The following PRR36 variants were observed in gnomAD, a reference collection of about 807,000 sequenced individuals.
PRR36 encodes the protein proline-rich protein 36.
PRR36 carries 30 observed loss-of-function variants against 58.6 expected under a neutral mutation model. The observed-to-expected ratio is 0.51, with a 90% CI of 0.38 to 0.69. The LOEUF (loss-of-function observed/expected upper bound fraction) is 0.69, where lower values mean the gene tolerates loss of function less well. PRR36 is among the 30% of genes least tolerant of loss of function. PRR36 has a pLI of 0.00. For synonymous variants in PRR36, 771 were observed against 829.3 expected (o/e 0.93, Z 1.21); for missense variants, 1,692 against 1,805.6 (o/e 0.94, Z 1.14).
chr19:7,869,425 GC>G lies in PRR36; in HGVS notation c.3648del (p.Ser1218ValfsTer44). ...TTCCCACCGCTCGTGCCGGGACTGGGCCCCGGATCCAGTGCGCCAGGGGCGG... is the reference window on the plus strand; with the variant it reads ...TTCCCACCGCTCGTGCCGGGACTGGGCCCGGATCCAGTGCGCCAGGGGCGG... Reference protein sequence around the residue: ...ATPAPGALDPGPSPGTSGGKA... With the variant: ...ATPAPGALDPXPSPGTSGGKA... On this transcript the variant is annotated frameshift_variant, in exon 6 of 6. Transcript: ENST00000618550. LOFTEE classifies it low-confidence loss of function (END_TRUNC). 6.7e-7 allele frequency: 1 copy of G among 1,499,232 alleles called. No individual in the cohort carries two copies. The highest frequency in any genetic ancestry group is 2.1e-5 in the Admixed American group (1 of 47,170). The allele number at this position is 1,499,232 out of a possible 1,614,324, so 92.9% of individuals were successfully genotyped here.
chr19:7,872,808 C>T lies in PRR36; in HGVS notation c.487+41G>A. On this transcript the variant is annotated intron_variant, in intron 4 of 5. Transcript: ENST00000618550. This position sits in a 1 kb window ranked among gnomAD's most constrained non-coding sequence, Gnocchi z 6.1. The stretch of plus-strand genomic sequence containing the variant: ...TCACCGATACCTCTGAGGCGGCTCC[C>T]CTTGCTGCCCAGGAACCCCACTCTT... 1 of 1,530,070 alleles carries T rather than the reference C, an allele frequency of 6.5e-7. No homozygotes were observed. Among genetic ancestry groups the T allele is most frequent in the Non-Finnish European group, 8.7e-7 (1 of 1,143,804 alleles). The allele number at this position is 1,530,070 out of a possible 1,614,324, so 94.8% of individuals were successfully genotyped here.
rs1455856183 is a variant in PRR36, at chr19:7,869,160, C to T, written c.3914G>A (p.Trp1305Ter). 1 of 1,535,284 alleles carries T rather than the reference C, an allele frequency of 6.5e-7. No homozygotes were observed. The highest frequency in any genetic ancestry group is 1.4e-5 in the African/African-American group (1 of 72,998). Residue 1305 changes from tryptophan (W) to a stop codon, truncating the protein, a stop_gained, in exon 6 of 6, where the codon TGG becomes TAG. Transcript: ENST00000618550. LOFTEE classifies it high-confidence loss of function. ...GTCCAGGGGAGACAGTAGTTCGGCC[C>T]AGCGGCCGAGTTCGGCGTCGCTGAG... ...AALSDAELGR[W>*]AELLSPLDES...
rs1248497927 is a variant in PRR36, at chr19:7,868,974, C to A, written c.*59G>T. On this transcript the variant is annotated 3_prime_UTR_variant, in exon 6 of 6. Coordinates refer to ENST00000618550, the MANE Select transcript of PRR36 (RefSeq NM_001190467.2). ...GGCGGGGTCTAAAACAAACGGCGTACCCGGAGGGGCGGATCCTAAGGCAGG... is the reference window on the plus strand; with the variant it reads ...GGCGGGGTCTAAAACAAACGGCGTAACCGGAGGGGCGGATCCTAAGGCAGG... 1 of 1,449,778 alleles carries A rather than the reference C, an allele frequency of 6.9e-7. No individual in the cohort carries two copies. Among genetic ancestry groups the A allele is most frequent in the East Asian group, 2.7e-5 (1 of 36,850 alleles). 89.8% of individuals were successfully genotyped at this position (1,449,778 alleles called of 1,614,324 possible).
rs923511979 is a variant in PRR36, at chr19:7,869,394, G to T, written c.3680C>A (p.Ala1227Glu). The change falls in exon 6 of 6, where the codon GCG (alanine) becomes GAG (glutamate). Residue 1227 changes from alanine (A) to glutamate (E), a missense_variant. Transcript: ENST00000618550. ...PSPGTSGGKA[A>E]AGAGAGASSR... ...GGACGCCCCGGCCCCGGCCCCAGCC[G>T]CCGCCTTCCCACCGCTCGTGCCGGG... The T allele has an allele frequency of 6.8e-7, 1 of 1,470,942 alleles. No individual in the cohort carries two copies. Among genetic ancestry groups the T allele is most frequent in the Non-Finnish European group, 8.9e-7 (1 of 1,120,570 alleles). 91.1% of individuals were successfully genotyped at this position (1,470,942 alleles called of 1,614,324 possible).
At position 7,869,158 on chromosome 19, in the gene PRR36, C is replaced by T. The variant is rs1051295174; in HGVS notation, c.3916G>A (p.Ala1306Thr). ...TCGTCCAGGGGAGACAGTAGTTCGG[C>T]CCAGCGGCCGAGTTCGGCGTCGCTG... ...ALSDAELGRW[A>T]ELLSPLDESR... Residue 1306 changes from alanine to threonine, a missense_variant, in exon 6 of 6, where the codon GCC (alanine) becomes ACC (threonine). Ala to Thr is a moderately conservative substitution (Grantham distance 58). Transcript: ENST00000618550. 8 of 1,535,424 alleles carry T rather than the reference C, an allele frequency of 5.2e-6. No homozygotes were observed. The highest frequency in any genetic ancestry group is 6.1e-6 in the Non-Finnish European group (7 of 1,146,696).
rs1980494313 is a variant in PRR36, at chr19:7,872,239, T to G, written c.1005A>C (p.Pro335=). ...CGGCTGGCGGAGGGGGCGTTACCGG[T>G]GGAGAGGGAGGGAGCGTGGCTGGCA... is the stretch of plus-strand genomic sequence containing the variant. The part of the protein sequence containing the change: ...TPLPATLPPS[P]PVTPPPPAAL... Residue 335 remains proline (P), a synonymous_variant, in exon 5 of 6, where the codon CCA becomes CCC. Transcript: ENST00000618550. This position sits in a 1 kb window ranked among gnomAD's most constrained non-coding sequence, Gnocchi z 6.1. 6.9e-7 allele frequency: 1 copy of G among 1,454,908 alleles called. No individual in the cohort carries two copies. Among genetic ancestry groups the G allele is most frequent in the South Asian group, 1.4e-5 (1 of 70,526 alleles). 90.1% of individuals were successfully genotyped at this position (1,454,908 alleles called of 1,614,324 possible).
At position 7,870,755 on chromosome 19, in the gene PRR36, G is replaced by C. The variant is rs1269260698; in HGVS notation, c.2489C>G (p.Ser830Cys). The C allele has an allele frequency of 7.2e-7, 1 of 1,394,582 alleles. No homozygotes were observed. The highest frequency in any genetic ancestry group is 9.3e-7 in the Non-Finnish European group (1 of 1,076,406). The allele number at this position is 1,394,582 out of a possible 1,614,324, so 86.4% of individuals were successfully genotyped here. ...LASPPLQGLP[S>C]PPLSPLATPP... ...CGTGGCCAAAGGAGACAGAGGGGGA[G>C]AGGGCAGGCCCTGCAAAGGGGGTGA... is the stretch of plus-strand genomic sequence containing the variant. The change falls in exon 5 of 6, where the codon TCT becomes TGT. Residue 830 changes from serine to cysteine, a missense_variant. Ser to Cys is a moderately radical substitution (Grantham distance 112). This residue lies in a region of PRR36 where 171 missense variants were observed against 146.2 expected (regional missense o/e 1.17). Transcript: ENST00000618550.
chr19:7,873,775 T>A lies in PRR36; in HGVS notation c.-7-79A>T. ...AGAGACCTGGACCCTGCTACCTCAC[T>A]GCCCTTTCGCAGCATCGCCACCCAT... is the stretch of plus-strand genomic sequence containing the variant. On this transcript the variant is annotated intron_variant, in intron 1 of 5. Transcript: ENST00000618550. The surrounding 1 kb of genome is among the most constrained non-coding windows in gnomAD (Gnocchi z 5.0). 1 of 1,378,030 alleles carries A rather than the reference T, an allele frequency of 7.3e-7. No homozygotes were observed. The highest frequency in any genetic ancestry group is 9.7e-7 in the Non-Finnish European group (1 of 1,034,692). 85.4% of individuals were successfully genotyped at this position (1,378,030 alleles called of 1,614,324 possible).
Position 7,869,897 on chromosome 19 carries a change from C to A in PRR36, c.3347G>T (p.Gly1116Val). Reference protein sequence around the residue: ...PSRSPSSTLSGPDLAGHSSSA... With the variant: ...PSRSPSSTLSVPDLAGHSSSA... ...GCTGCTGTGGCCGGCCAGGTCTGGG[C>A]CGCTCAGCGTGCTGGACGGGCTGCG... Residue 1116 changes from glycine (G) to valine (V), a missense_variant, in exon 5 of 6, where the codon GGC becomes GTC. Transcript: ENST00000618550. 2 of 1,362,400 alleles carry A rather than the reference C, an allele frequency of 1.5e-6. No individual in the cohort carries two copies. The highest frequency in any genetic ancestry group is 3.5e-5 in the South Asian group (2 of 56,832). 84.4% of individuals were successfully genotyped at this position (1,362,400 alleles called of 1,614,324 possible).
rs1486417927 is a variant in PRR36 at position 7,869,742 on chromosome 19, G to A, written c.3502C>T (p.Pro1168Ser). 3 of 1,348,202 alleles carry A rather than the reference G, an allele frequency of 2.2e-6. No individual in the cohort carries two copies. Among genetic ancestry groups the A allele is most frequent in the South Asian group, 1.8e-5 (1 of 56,348 alleles). 83.5% of individuals were successfully genotyped at this position (1,348,202 alleles called of 1,614,324 possible). A position where few individuals can be genotyped will look rare whatever the true frequency, so the allele number is the denominator to read the frequency against. ...GGGGCTCCGCGGAAAGCCAGCGGCG[G>A]AGCGGGGCCTCGACTCCAGGCAGCC... Reference protein sequence around the residue: ...HPAAWSRGPAPPLAFRGAPGA... With the variant: ...HPAAWSRGPASPLAFRGAPGA... Residue 1168 changes from proline (P) to serine (S), a missense_variant, in exon 5 of 6, where the codon CCG becomes TCG. Physicochemically the swap from Pro to Ser is moderately conservative, Grantham distance 74. Coordinates refer to ENST00000618550, the MANE Select transcript of PRR36 (RefSeq NM_001190467.2).
In PRR36 at chr19:7,872,055, C is replaced by T. The variant is rs1266288435; in HGVS notation, c.1189G>A (p.Val397Ile). 4 of 1,535,044 alleles carry T rather than the reference C, an allele frequency of 2.6e-6. No homozygotes were observed. The African/African-American group carries it at 5.5e-5, about 21-fold the overall frequency. Reference protein sequence around the residue: ...PSPPATPPSQVPPTQLIMSFP... With the variant: ...PSPPATPPSQIPPTQLIMSFP... ...GACATAATCAGCTGTGTGGGTGGAA[C>T]TTGCGAGGGGGGCGTGGCTGGTGGA... is the stretch of plus-strand genomic sequence containing the variant. Residue 397 changes from valine to isoleucine, a missense_variant, in exon 5 of 6, where the codon GTT becomes ATT. By Grantham distance (29) the Val-to-Ile change is conservative (BLOSUM62 3). Around this residue, in one of 5 missense-constraint regions of PRR36, gnomAD observed 975 missense variants for 955.2 expected, o/e 1.02. Coordinates refer to ENST00000618550, the MANE Select transcript of PRR36 (RefSeq NM_001190467.2). The surrounding 1 kb of genome is among the most constrained non-coding windows in gnomAD (Gnocchi z 6.1).
rs1980216514 is a variant in PRR36 at position 7,868,744 on chromosome 19, T to C, written c.*289A>G. On this transcript the variant is annotated 3_prime_UTR_variant, in exon 6 of 6. Transcript: ENST00000618550. ...TGCAAGTCCCAGTGTCCCAGTTTTATTGCAAACTCAGGCTGTGCGGGGTGG... is the reference window on the plus strand; with the variant it reads ...TGCAAGTCCCAGTGTCCCAGTTTTACTGCAAACTCAGGCTGTGCGGGGTGG... The C allele has an allele frequency of 5.7e-6, 2 of 348,618 alleles. No homozygotes were observed. 21.6% of individuals were successfully genotyped at this position (348,618 alleles called of 1,614,324 possible). A position where few individuals can be genotyped will look rare whatever the true frequency, so the allele number is the denominator to read the frequency against.
In PRR36 at chr19:7,872,951, G is replaced by GACAGA; in HGVS notation, c.384_385insTCTGT (p.Leu129SerfsTer83). 1 of 1,535,992 alleles carries GACAGA rather than the reference G, an allele frequency of 6.5e-7. No homozygotes were observed. The highest frequency in any genetic ancestry group is 8.7e-7 in the Non-Finnish European group (1 of 1,146,812). ...GAGATCCGGAGTCCCTTCTGGCCAA[G>GACAGA]AGGGCCTGGCCTGGAGACAGAAGGG... On this transcript the variant is annotated frameshift_variant, in exon 4 of 6. Coordinates refer to ENST00000618550, the MANE Select transcript of PRR36 (RefSeq NM_001190467.2). LOFTEE classifies it high-confidence loss of function. The surrounding 1 kb of genome is among the most constrained non-coding windows in gnomAD (Gnocchi z 6.1).
rs1980331459 is a variant in PRR36 at position 7,870,255 on chromosome 19, A to C, written c.2989T>G (p.Ser997Ala). The C allele has an allele frequency of 7.8e-7, 1 of 1,281,694 alleles. No homozygotes were observed. Among genetic ancestry groups the C allele is most frequent in the Non-Finnish European group, 9.8e-7 (1 of 1,018,186 alleles). 79.4% of individuals were successfully genotyped at this position (1,281,694 alleles called of 1,614,324 possible). ...TTAGCCAAAGGAGACATTGGGAGTGAGGCAGGGGGAGAGGGCGGGACCTGC... is the reference window on the plus strand; with the variant it reads ...TTAGCCAAAGGAGACATTGGGAGTGCGGCAGGGGGAGAGGGCGGGACCTGC... ...PLQVPPSPPA[S>A]LPMSPLAKPP... The change falls in exon 5 of 6, where the codon TCA becomes GCA. Residue 997 changes from serine to alanine, a missense_variant. Ser to Ala is a moderately conservative substitution (Grantham distance 99). Transcript: ENST00000618550.
In PRR36 at chr19:7,871,181, A is replaced by G; in HGVS notation, c.2063T>C (p.Leu688Pro). The G allele has an allele frequency of 2.6e-6, 4 of 1,522,258 alleles. No homozygotes were observed. Among genetic ancestry groups the G allele is most frequent in the Non-Finnish European group, 2.6e-6 (3 of 1,139,844 alleles). 94.3% of individuals were successfully genotyped at this position (1,522,258 alleles called of 1,614,324 possible). A position where few individuals can be genotyped will look rare whatever the true frequency, so the allele number is the denominator to read the frequency against. The change falls in exon 5 of 6, where the codon CTG (leucine) becomes CCG (proline). Residue 688 changes from leucine (L) to proline (P), a missense_variant. By Grantham distance (98) the Leu-to-Pro change is moderately conservative. Coordinates refer to ENST00000618550, the MANE Select transcript of PRR36 (RefSeq NM_001190467.2). The stretch of plus-strand genomic sequence containing the variant: ...GGAGGCCAGAGAAGATAGCGCCTGC[A>G]GAGGGTGTATGGTCAGGGGTGAGCT... The part of the protein sequence containing the change: ...PLSSPLTIHP[L>P]QALSSLASHS...
chr19:7,873,783 C>A lies in PRR36; in HGVS notation c.-7-87G>T. Reference sequence around the variant, plus strand: ...GGACCCTGCTACCTCACTGCCCTTTCGCAGCATCGCCACCCATGGACACTC... The same window carrying A: ...GGACCCTGCTACCTCACTGCCCTTTAGCAGCATCGCCACCCATGGACACTC... On this transcript the variant is annotated intron_variant, in intron 1 of 5. Coordinates refer to ENST00000618550, the MANE Select transcript of PRR36 (RefSeq NM_001190467.2). This position sits in a 1 kb window ranked among gnomAD's most constrained non-coding sequence, Gnocchi z 5.0. 1 of 1,312,008 alleles carries A rather than the reference C, an allele frequency of 7.6e-7. No individual in the cohort carries two copies. Among genetic ancestry groups the A allele is most frequent in the South Asian group, 1.5e-5 (1 of 68,518 alleles). 81.3% of individuals were successfully genotyped at this position (1,312,008 alleles called of 1,614,324 possible). A position where few individuals can be genotyped will look rare whatever the true frequency, so the allele number is the denominator to read the frequency against.
Position 7,869,103 on chromosome 19 carries a change from C to G in PRR36, c.3971G>C (p.Ser1324Thr). 2 of 1,535,028 alleles carry G rather than the reference C, an allele frequency of 1.3e-6. No individual in the cohort carries two copies. The highest frequency in any genetic ancestry group is 2.4e-5 in the South Asian group (2 of 83,956). The change falls in exon 6 of 6, where the codon AGC becomes ACC. Residue 1324 changes from serine (S) to threonine (T), a missense_variant. This residue lies in a region of PRR36 where 485 missense variants were observed against 549.2 expected (regional missense o/e 0.88). Transcript: ENST00000618550. ...GGAGGCCACGTCGTCCGGAGAGAAG[C>G]TGGTGACCGAGGTGATGCTGGCACG... ...ESRASITSVT[S>T]FSPDDVASPQ... is the part of the protein sequence containing the mutation.
In PRR36 at chr19:7,873,460, G is replaced by C. The variant is rs1174177937; in HGVS notation, c.230C>G (p.Ala77Gly). 2 of 1,534,938 alleles carry C rather than the reference G, an allele frequency of 1.3e-6. No homozygotes were observed. The highest frequency in any genetic ancestry group is 2.4e-5 in the East Asian group (1 of 40,894). ...GATIPESAPR[A>G]GPTRSAGTSS... ...TGTCCCAGCACTCCGCGTTGGTCCC[G>C]CTCGGGGAGCAGACTCGGGAATAGT... Residue 77 changes from alanine (A) to glycine (G), a missense_variant, in exon 2 of 6, where the codon GCG (alanine) becomes GGG (glycine). Ala to Gly is a moderately conservative substitution (Grantham distance 60). Coordinates refer to ENST00000618550, the MANE Select transcript of PRR36 (RefSeq NM_001190467.2). The surrounding 1 kb of genome is among the most constrained non-coding windows in gnomAD (Gnocchi z 5.0).
Position 7,873,099 on chromosome 19 carries a change from G to A in PRR36, c.374+98C>T. ...TCACCCAATTTGTGCCCAGTGACCTGCAAGTGCTCCCGCGCCCCAACTCGT... is the reference window on the plus strand; with the variant it reads ...TCACCCAATTTGTGCCCAGTGACCTACAAGTGCTCCCGCGCCCCAACTCGT... On this transcript the variant is annotated intron_variant, in intron 3 of 5. Transcript: ENST00000618550. This position sits in a 1 kb window ranked among gnomAD's most constrained non-coding sequence, Gnocchi z 5.0. The A allele has an allele frequency of 7.4e-7, 1 of 1,355,398 alleles. No individual in the cohort carries two copies. The highest frequency in any genetic ancestry group is 1.0e-6 in the Non-Finnish European group (1 of 986,030). 84.0% of individuals were successfully genotyped at this position (1,355,398 alleles called of 1,614,324 possible).
Sources: allele counts gnomAD v4.1 joint callset, GRCh38; gene constraint gnomAD v4.1.1; regional missense constraint gnomAD v4.1.1; non-coding constraint Gnocchi (gnomAD v3.1); transcripts MANE v1.5; gene names NCBI Gene and HGNC (gene_info 2026-07-23, HGNC 2026-07-21).